SLC35D4: variants seen among roughly 807,000 people sequenced by gnomAD.
The protein encoded by SLC35D4 is UDP-N-acetylglucosamine transporter SLC35D4.
chr18:23,343,200 G>A, the SLC35D4 span, among the ~76,000 whole-genome samples: 1 of 151,930 alleles, frequency 6.6e-6, no homozygotes, highest in Non-Finnish European at 1.5e-5. Context: ...TGGGTTACAG[G>A]CATAAGCCAC....
the SLC35D4 span, among the ~76,000 whole-genome samples, chr18:23,373,269 C>A: frequency 6.6e-6 from 1 of 152,060 alleles, no homozygotes; most frequent in African/African-American, 2.4e-5. Context: ...GAGCTGAGAT[C>A]GTGCCACTCC....
At chr18:23,416,778 A>G in the SLC35D4 span, among the ~76,000 whole-genome samples, 1 of 152,228 alleles carries the variant, frequency 6.6e-6, no homozygotes, top group Admixed American at 6.5e-5. Context: ...TGAAAAGAAG[A>G]TGTGATCACA....
the SLC35D4 span, chr18:23,399,604 C>G: frequency 6.2e-7 from 1 of 1,613,902 alleles, no homozygotes; most frequent in East Asian, 2.2e-5. Context: ...TAGATTATAC[C>G]CACAAACAGC....
chr18:23,263,995 G>A, the SLC35D4 span, among the ~76,000 whole-genome samples: 2 of 152,278 alleles, frequency 1.3e-5, no homozygotes, highest in South Asian at 4.1e-4. Context: ...CCATGAACTC[G>A]AGCACCTATC....
chr18:23,348,393 G>A, the SLC35D4 span, among the ~76,000 whole-genome samples: 2 of 152,116 alleles, frequency 1.3e-5, no homozygotes, highest in Admixed American at 1.3e-4. Flanking sequence ...CTATATTCAC[G>A]CTTTTCTACT....
chr18:23,261,987 G>A, the SLC35D4 span, among the ~76,000 whole-genome samples: 5 of 152,084 alleles, frequency 3.3e-5, no homozygotes, highest in African/African-American at 1.2e-4. Flanking sequence ...ATCACCTACA[G>A]GCTTATTAAA....
the SLC35D4 span, among the ~76,000 whole-genome samples, chr18:23,352,564 A>T: frequency 6.6e-6 from 1 of 152,240 alleles, no homozygotes; most frequent in East Asian, 1.9e-4. Context: ...AAGAAAAAAA[A>T]GGTGGAGGAC....
At chr18:23,391,427 A>G in the SLC35D4 span, among the ~76,000 whole-genome samples, 4 of 152,088 alleles carry the variant, frequency 2.6e-5, no homozygotes, top group Non-Finnish European at 4.4e-5. Flanking sequence ...TGAGTGTTAT[A>G]AGGACATTAT....
chr18:23,411,244 G>T, the SLC35D4 span, among the ~76,000 whole-genome samples: 2 of 147,102 alleles, frequency 1.4e-5, no homozygotes, highest in South Asian at 4.4e-4. Context: ...GGAAGGGGAA[G>T]GGAAGGGAAG....
At chr18:23,402,185 C>T in the SLC35D4 span, among the ~76,000 whole-genome samples, 7 of 152,274 alleles carry the variant, frequency 4.6e-5, no homozygotes, top group Admixed American at 1.3e-4. Context: ...AGACCATAGC[C>T]GCTGCTAAGA....
the SLC35D4 span, among the ~76,000 whole-genome samples, chr18:23,247,639 T>C: frequency 3.9e-5 from 6 of 152,214 alleles, no homozygotes; most frequent in Non-Finnish European, 8.8e-5. Flanking sequence ...TCCTAACCAG[T>C]GTGCACTGGG....
chr18:23,380,520 C>T, the SLC35D4 span, among the ~76,000 whole-genome samples: 10 of 152,242 alleles, frequency 6.6e-5, no homozygotes, highest in South Asian at 4.1e-4. Context: ...GGAGCTCACC[C>T]GCTGGCCCAC....
At chr18:23,383,020 T>C in the SLC35D4 span, among the ~76,000 whole-genome samples, 1 of 152,120 alleles carries the variant, frequency 6.6e-6, no homozygotes, top group Non-Finnish European at 1.5e-5. Context: ...CCAAGGGGCC[T>C]CCAGGGTTTC....
chr18:23,419,944 G>A, the SLC35D4 span, among the ~76,000 whole-genome samples: 424 of 152,220 alleles, frequency 2.8e-3, no homozygotes, highest in Non-Finnish European at 4.9e-3. Flanking sequence ...ACGTATGTAT[G>A]CATATACATA....
chr18:23,322,340 A>G, the SLC35D4 span, among the ~76,000 whole-genome samples: 34 of 152,208 alleles, frequency 2.2e-4, no homozygotes, highest in Non-Finnish European at 2.9e-5. Flanking sequence ...TTTCCCACTT[A>G]CTATTCCTTG....
the SLC35D4 span, among the ~76,000 whole-genome samples, chr18:23,342,786 A>G: frequency 2.0e-5 from 3 of 152,224 alleles, no homozygotes; most frequent in Non-Finnish European, 4.4e-5. Flanking sequence ...ATATCTCATC[A>G]TGGTTTCAAT....
the SLC35D4 span, among the ~76,000 whole-genome samples, chr18:23,335,379 T>A: frequency 6.6e-6 from 1 of 152,248 alleles, no homozygotes; most frequent in Admixed American, 6.5e-5. Flanking sequence ...CTGCTTTGAC[T>A]ATGGCAGTCA....
chr18:23,354,877 T>G, the SLC35D4 span, among the ~76,000 whole-genome samples: 1 of 148,684 alleles, frequency 6.7e-6, no homozygotes, highest in Non-Finnish European at 1.5e-5. Context: ...TACTCATGGA[T>G]CTCTTATCTT....
the SLC35D4 span, among the ~76,000 whole-genome samples, chr18:23,286,430 C>T: frequency 8.5e-5 from 13 of 152,298 alleles, no homozygotes; most frequent in East Asian, 1.9e-3. Flanking sequence ...TCGGACTCTT[C>T]AACTCACCTG....
Sources: allele counts gnomAD v4.1 joint callset (sites outside exome capture counted in the v4.1 genomes callset), GRCh38; gene constraint gnomAD v4.1.1; transcripts MANE v1.5; gene names NCBI Gene and HGNC (gene_info 2026-07-23, HGNC 2026-07-21).